Variants in MAPK4 observed in about 807,000 individuals in gnomAD.
MAPK4 encodes the protein Erk3-related.
MAPK4 carries 22 observed loss-of-function variants against 47.7 expected under a neutral mutation model. The ratio of observed to expected loss-of-function variants is 0.46; its 90% CI spans 0.33 to 0.66. The LOEUF is 0.66. MAPK4 is among the 30% of genes least tolerant of loss of function. The pLI is 0.02. For missense variants in MAPK4, 736 were observed against 831.7 expected, an observed-to-expected ratio of 0.88 and a Z score of 1.42; for synonymous variants, 390 against 365.7, an observed-to-expected ratio of 1.07 and a Z score of -0.76.
intron 1 of MAPK4, among the ~76,000 whole-genome samples, chr18:50,645,403 A>G (rs1214107203): frequency 1.3e-5 from 2 of 152,234 alleles, no homozygotes; most frequent in African/African-American, 4.8e-5. Context: ...TGAGCTCTCA[A>G]AATTAGCAGA....
intron 2 of MAPK4, among the ~76,000 whole-genome samples, chr18:50,691,497 C>T (rs954106086): frequency 2.6e-5 from 4 of 152,134 alleles, no homozygotes; most frequent in Non-Finnish European, 4.4e-5. Context: ...GATAAGAAAA[C>T]GTAAAGATCA....
In MAPK4 at chr18:50,714,045, T is replaced by C. The variant is rs140404270; in HGVS notation, c.547-1034T>C. 2.4e-3 allele frequency among the ~76,000 whole-genome samples: 362 copies of C among 152,314 alleles called. 1 individual carries two copies. Among genetic ancestry groups the C allele is most frequent in the African/African-American group, 8.4e-3 (350 of 41,562 alleles). ...GTCAAAAGCTCCTGGGTCCTGGCCT[T>C]CTTAACTTTTCATCTGCTTTAACCT... On this transcript the variant is annotated intron_variant, in intron 2 of 5. Transcript: ENST00000400384.
intron 1 of MAPK4, among the ~76,000 whole-genome samples, chr18:50,620,514 A>G (rs1266008243): frequency 6.6e-6 from 1 of 152,254 alleles, no homozygotes; most frequent in Non-Finnish European, 1.5e-5. Flanking sequence ...ACTCTGGCCC[A>G]TCAACATTTA....
chr18:50,596,936 T>C (rs898095542), intron 1 of MAPK4, among the ~76,000 whole-genome samples: 11 of 152,242 alleles, frequency 7.2e-5, no homozygotes, highest in Admixed American at 6.5e-4. Flanking sequence ...GCATGTTCAA[T>C]GTCAGGTGTC....
intron 2 of MAPK4, among the ~76,000 whole-genome samples, chr18:50,710,974 G>A (rs1198227197): frequency 6.6e-6 from 1 of 152,212 alleles, no homozygotes; most frequent in African/African-American, 2.4e-5. Flanking sequence ...AGGCACAGGA[G>A]ACTTGGCTCC....
chr18:50,573,621 G>A (rs1436266155), intron 1 of MAPK4, among the ~76,000 whole-genome samples: 4 of 152,176 alleles, frequency 2.6e-5, no homozygotes, highest in Admixed American at 2.0e-4. Context: ...ATGGTGAGTT[G>A]TATGCATCTC....
At chr18:50,674,201 C>T (rs1172454551) in intron 2 of MAPK4, among the ~76,000 whole-genome samples, 1 of 152,206 alleles carries the variant, frequency 6.6e-6, no homozygotes, top group Non-Finnish European at 1.5e-5. Context: ...TGGGTACACC[C>T]AAGTTGTAAA....
intron 1 of MAPK4, among the ~76,000 whole-genome samples, chr18:50,660,530 CTTGTGAAGCTTACAGTCTAG>C (rs1323225175): frequency 6.6e-6 from 1 of 152,196 alleles, no homozygotes; most frequent in Non-Finnish European, 1.5e-5. Flanking sequence ...CTGTAAGCTA[CTTGTGAAGCTTACAGTCTAG>C]TTGGGAGATG....
At chr18:50,703,390 A>G (rs1909888882) in intron 2 of MAPK4, among the ~76,000 whole-genome samples, 1 of 152,132 alleles carries the variant, frequency 6.6e-6, no homozygotes, top group African/African-American at 2.4e-5. Context: ...TGGCATTTCT[A>G]ATGGCTTTTA....
rs763487879 is a variant in MAPK4, at chr18:50,729,136, C to T, written c.1068-22C>T. 17 of 1,527,766 alleles carry T rather than the reference C, an allele frequency of 1.1e-5. No homozygotes were observed. The Middle Eastern group carries it at 5.3e-4, about 48-fold the overall frequency. The allele number at this position is 1,527,766 out of a possible 1,614,324, so 94.6% of individuals were successfully genotyped here. ...CTACCTGGCTTGGGCATCCAATCAC[C>T]GCTCTGTTTGTACCCTTGCAGGTAC... is the stretch of plus-strand genomic sequence containing the variant. On this transcript the variant is annotated intron_variant, in intron 5 of 5. Coordinates refer to ENST00000400384, the MANE Select transcript of MAPK4 (RefSeq NM_002747.4).
rs138486127 is a variant in MAPK4, at chr18:50,709,394, G to A, written c.547-5685G>A. ...GGGGTGGAGAGGGAGCACAGAGCCTGCAGCCTCCTTGCTCCACCAGTGCCC... is the reference window on the plus strand; with the variant it reads ...GGGGTGGAGAGGGAGCACAGAGCCTACAGCCTCCTTGCTCCACCAGTGCCC... On this transcript the variant is annotated intron_variant, in intron 2 of 5. Transcript: ENST00000400384. Among the ~76,000 whole-genome samples the A allele has an allele frequency of 3.3e-4, 51 of 152,350 alleles. No individual in the cohort carries two copies. In the East Asian group the frequency reaches 6.9e-3, roughly 21 times the overall value.
chr18:50,625,830 G>T (rs1174997316), intron 1 of MAPK4, among the ~76,000 whole-genome samples: 1 of 151,512 alleles, frequency 6.6e-6, no homozygotes, highest in Non-Finnish European at 1.5e-5. Context: ...AGTGTTGTTA[G>T]TTTCTTGGTG....
At chr18:50,612,886 G>A (rs1024582610) in intron 1 of MAPK4, among the ~76,000 whole-genome samples, 9 of 152,136 alleles carry the variant, frequency 5.9e-5, no homozygotes, top group African/African-American at 2.2e-4. Flanking sequence ...AAAGATCTTT[G>A]GCAAACAACA....
intron 1 of MAPK4, among the ~76,000 whole-genome samples, chr18:50,649,179 G>A (rs1471882092): frequency 6.6e-6 from 1 of 152,162 alleles, no homozygotes; most frequent in African/African-American, 2.4e-5. Context: ...AGTCCCGTGT[G>A]AGACCCACTT....
At chr18:50,582,296 C>T (rs891252744) in intron 1 of MAPK4, among the ~76,000 whole-genome samples, 17 of 152,112 alleles carry the variant, frequency 1.1e-4, no homozygotes, top group East Asian at 3.9e-4. Flanking sequence ...TGCTCAGGTG[C>T]GGGTGCCCTT....
At chr18:50,708,611 C>T (rs1271961385) in intron 2 of MAPK4, among the ~76,000 whole-genome samples, 1 of 152,196 alleles carries the variant, frequency 6.6e-6, no homozygotes, top group Non-Finnish European at 1.5e-5. Flanking sequence ...AGGGTCTCCA[C>T]CAGGAAGACG....
intron 1 of MAPK4, among the ~76,000 whole-genome samples, chr18:50,641,690 G>T (rs576321264): frequency 6.6e-6 from 1 of 152,176 alleles, no homozygotes; most frequent in African/African-American, 2.4e-5. Context: ...TGTACCATTT[G>T]CTGTAACTTA....
At chr18:50,602,525 C>T (rs1395713728) in intron 1 of MAPK4, among the ~76,000 whole-genome samples, 1 of 152,168 alleles carries the variant, frequency 6.6e-6, no homozygotes, top group African/African-American at 2.4e-5. Context: ...TTAAAAAGTG[C>T]AGCAGGGATG....
chr18:50,594,415 A>G (rs958477978), intron 1 of MAPK4, among the ~76,000 whole-genome samples: 1 of 152,224 alleles, frequency 6.6e-6, no homozygotes, highest in Non-Finnish European at 1.5e-5. Context: ...AGACAAATAG[A>G]TCAATGAAAC....
Sources: gnomAD v4.1 joint callset for allele counts (sites outside exome capture counted in the v4.1 genomes callset) on GRCh38, gnomAD v4.1.1 for gene constraint, MANE v1.5 for transcripts, NCBI Gene and HGNC (gene_info 2026-07-23, HGNC 2026-07-21) for gene names.